The following GRM1 variants were observed in gnomAD, a reference collection of about 807,000 sequenced individuals.
GRM1 encodes the protein metabotropic glutamate receptor 1.
A neutral mutation model predicts 90.9 loss-of-function variants in GRM1; 33 were observed. The ratio of observed to expected loss-of-function variants is 0.36; its 90% CI spans 0.28 to 0.49. The LOEUF (loss-of-function observed/expected upper bound fraction) is 0.49. Ranked by LOEUF, GRM1 falls within the 20% of genes least tolerant of loss-of-function variation. GRM1 has a pLI of 0.99. For missense variants in GRM1, 1,190 were observed against 1,534.3 expected (o/e 0.78, Z 3.75); for synonymous variants, 700 against 613.2 (o/e 1.14, Z -2.09).
At chr6:146,053,334 C>T (rs1260469234) in intron 1 of GRM1, among the ~76,000 whole-genome samples, 2 of 151,938 alleles carry the variant, frequency 1.3e-5, no homozygotes, top group East Asian at 3.9e-4. Flanking sequence ...TATGCTTGGT[C>T]ATAATATATT....
chr6:146,432,835 G>A (rs538092303), intron 7 of GRM1, among the ~76,000 whole-genome samples: 1 of 152,198 alleles, frequency 6.6e-6, no homozygotes, highest in African/African-American at 2.4e-5. Flanking sequence ...AGAATTTGGG[G>A]TGTAGGCCAC....
chr6:146,340,433 C>A (rs1784928414), intron 3 of GRM1: 1 of 152,286 alleles, frequency 6.6e-6, no homozygotes, highest in Admixed American at 6.5e-5. Context: ...AAGGGCCATA[C>A]CACCCTGAAT....
chr6:146,210,337 T>G (rs1779648492), intron 2 of GRM1, among the ~76,000 whole-genome samples: 1 of 152,206 alleles, frequency 6.6e-6, no homozygotes, highest in African/African-American at 2.4e-5. Context: ...AATGTTACTG[T>G]AGTATTAAAC....
At chr6:146,195,324 T>C (rs1779077228) in intron 2 of GRM1, among the ~76,000 whole-genome samples, 1 of 152,230 alleles carries the variant, frequency 6.6e-6, no homozygotes, top group Non-Finnish European at 1.5e-5. Flanking sequence ...ATTTTCTATT[T>C]TAGCCTTGGC....
At chr6:146,198,034 GAC>G (rs1202592342) in intron 2 of GRM1, among the ~76,000 whole-genome samples, 4 of 152,182 alleles carry the variant, frequency 2.6e-5, no homozygotes, top group African/African-American at 9.7e-5. Context: ...GGGATACAAG[GAC>G]ACTTGGGGAG....
intron 3 of GRM1, among the ~76,000 whole-genome samples, chr6:146,348,538 T>A (rs1162243441): frequency 6.6e-6 from 1 of 152,176 alleles, no homozygotes; most frequent in Admixed American, 6.5e-5. Context: ...TAAGAGAGCA[T>A]AGGTACTCAC....
chr6:146,162,355 G>T lies in GRM1; in HGVS notation c.950+2758G>T, dbSNP rs1054034681. 2.0e-5 allele frequency among the ~76,000 whole-genome samples: 3 copies of T among 152,052 alleles called. No individual in the cohort carries two copies. In the South Asian group the frequency reaches 6.2e-4, roughly 32 times the overall value. ...TTTAAATGAAGACCTACATGCCCTC[G>T]TCTCCATGTCTGTTACTTTCTCTCA... is the stretch of plus-strand genomic sequence containing the variant. On this transcript the variant is annotated intron_variant, in intron 2 of 7. Transcript: ENST00000282753.
intron 3 of GRM1, among the ~76,000 whole-genome samples, chr6:146,336,315 G>C (rs1247586225): frequency 6.6e-6 from 1 of 152,196 alleles, no homozygotes; most frequent in Non-Finnish European, 1.5e-5. Flanking sequence ...GTGCTGTCAA[G>C]AGGAGAGGAA....
chr6:146,068,507 C>T (rs1055636649), intron 1 of GRM1, among the ~76,000 whole-genome samples: 2 of 151,502 alleles, frequency 1.3e-5, no homozygotes, highest in African/African-American at 4.9e-5. Flanking sequence ...GAGGGTAAAA[C>T]TAAAATCTGT....
chr6:146,306,577 A>G (rs1361354746), intron 3 of GRM1, among the ~76,000 whole-genome samples: 1 of 152,194 alleles, frequency 6.6e-6, no homozygotes, highest in East Asian at 1.9e-4. Flanking sequence ...ATAGAACCCT[A>G]TACAACATGG....
rs542043432 is a variant in GRM1, at chr6:146,119,768, T to C, written c.701-39580T>C. Among the ~76,000 whole-genome samples, 15 of 152,306 alleles carry C rather than the reference T, an allele frequency of 9.8e-5. No homozygotes were observed. The East Asian group carries it at 2.9e-3, about 29-fold the overall frequency. The stretch of plus-strand genomic sequence containing the variant: ...ATGGTTGTAGATATGCGGCATTATT[T>C]CTGAGGGCTCTGTTCTGTTCCATTG... On this transcript the variant is annotated intron_variant, in intron 1 of 7. Transcript: ENST00000282753.
At chr6:146,127,680 T>C (rs1248916728) in intron 1 of GRM1, among the ~76,000 whole-genome samples, 1 of 152,232 alleles carries the variant, frequency 6.6e-6, no homozygotes, top group Non-Finnish European at 1.5e-5. Context: ...AATCTGGGTC[T>C]TAGATCTCCT....
At chr6:146,093,310 T>C (rs1034207861) in intron 1 of GRM1, among the ~76,000 whole-genome samples, 3 of 152,152 alleles carry the variant, frequency 2.0e-5, no homozygotes, top group Non-Finnish European at 2.9e-5. Context: ...TCTTGTGATC[T>C]CCTCTGACTG....
intron 2 of GRM1, among the ~76,000 whole-genome samples, chr6:146,178,402 G>A (rs889565665): frequency 6.6e-6 from 1 of 152,114 alleles, no homozygotes; most frequent in Admixed American, 6.6e-5. Flanking sequence ...GATTTTGAAT[G>A]TCTTTTTGAT....
At chr6:146,190,853 C>G (rs1025612295) in intron 2 of GRM1, among the ~76,000 whole-genome samples, 5 of 152,158 alleles carry the variant, frequency 3.3e-5, no homozygotes, top group African/African-American at 1.2e-4. Context: ...TGTATTCCCA[C>G]TTGTTCTTCA....
chr6:146,068,526 TAGAG>T (rs71770924), intron 1 of GRM1, among the ~76,000 whole-genome samples: 6,633 of 152,232 alleles, frequency 0.044, 465 homozygotes, highest in African/African-American at 0.15. Context: ...GTCCACAAGA[TAGAG>T]AGAGAAGACC....
At chr6:146,118,525 T>G (rs940753778) in intron 1 of GRM1, among the ~76,000 whole-genome samples, 1 of 152,214 alleles carries the variant, frequency 6.6e-6, no homozygotes, top group Non-Finnish European at 1.5e-5. Flanking sequence ...GCCATGTTGG[T>G]GTACTGCACC....
chr6:146,216,345 T>A (rs1445189153), intron 2 of GRM1, among the ~76,000 whole-genome samples: 1 of 152,218 alleles, frequency 6.6e-6, no homozygotes, highest in Non-Finnish European at 1.5e-5. Context: ...ATAGTTTAAA[T>A]AAGCTTATAT....
intron 2 of GRM1, among the ~76,000 whole-genome samples, chr6:146,174,546 T>C (rs896328441): frequency 2.0e-5 from 3 of 152,206 alleles, no homozygotes; most frequent in Non-Finnish European, 4.4e-5. Context: ...TATTGAAAAT[T>C]ATTATATCTA....
Sources: gnomAD v4.1 joint callset for allele counts (sites outside exome capture counted in the v4.1 genomes callset) on GRCh38, gnomAD v4.1.1 for gene constraint, MANE v1.5 for transcripts, NCBI Gene and HGNC (gene_info 2026-07-23, HGNC 2026-07-21) for gene names.